The following NEDD9 variants were observed in gnomAD, a reference collection of about 807,000 sequenced individuals.
NEDD9 encodes the protein neural precursor cell expressed, developmentally down-regulated 9.
In NEDD9, 26 loss-of-function variants were observed where a neutral mutation model predicts 76.6. The observed-to-expected ratio is 0.34, with a 90% confidence interval of 0.25 to 0.47. The LOEUF (loss-of-function observed/expected upper bound fraction) is 0.47. Ranked by LOEUF, NEDD9 falls within the 20% of genes least tolerant of loss-of-function variation. NEDD9 has a pLI of 1.00. For missense variants in NEDD9, 937 were observed against 1,058.5 expected (o/e 0.89, Z 1.59); for synonymous variants, 392 against 414.2 (o/e 0.95, Z 0.65).
At chr6:11,356,678 A>T (rs1762581241) in intron 1 of NEDD9, among the ~76,000 whole-genome samples, 1 of 152,114 alleles carries the variant, frequency 6.6e-6, no homozygotes, top group South Asian at 2.1e-4. Flanking sequence ...CCACAGGCTC[A>T]CTTGAGTGTC....
At chr6:11,240,106 A>G (rs1759684014) in intron 3 of NEDD9, among the ~76,000 whole-genome samples, 2 of 151,772 alleles carry the variant, frequency 1.3e-5, no homozygotes, top group African/African-American at 4.8e-5. Flanking sequence ...AGTGTCTTCT[A>G]AAAAAGCTCC....
intron 2 of NEDD9, chr6:11,201,193 G>T (rs1758443995): frequency 2.4e-6 from 2 of 847,786 alleles, no homozygotes; most frequent in African/African-American, 1.7e-5. Flanking sequence ...GCCTGGGATG[G>T]GGCAGAGCAG....
At chr6:11,362,976 T>C (rs573850226) in intron 1 of NEDD9, among the ~76,000 whole-genome samples, 1 of 152,212 alleles carries the variant, frequency 6.6e-6, no homozygotes, top group Non-Finnish European at 1.5e-5. Flanking sequence ...CATATGGCAA[T>C]CTGCATTGAT....
chr6:11,286,506 A>T (rs1196172052), intron 3 of NEDD9, among the ~76,000 whole-genome samples: 1 of 152,188 alleles, frequency 6.6e-6, no homozygotes, highest in Non-Finnish European at 1.5e-5. Context: ...TGCCATGCAC[A>T]CCCTTTTACA....
chr6:11,307,153 T>C (rs1350485936), intron 2 of NEDD9, among the ~76,000 whole-genome samples: 1 of 152,006 alleles, frequency 6.6e-6, no homozygotes, highest in African/African-American at 2.4e-5. Flanking sequence ...GTCTGGCACA[T>C]AATAGAAGCT....
chr6:11,309,372 C>A (rs193169665), intron 2 of NEDD9, among the ~76,000 whole-genome samples: 195 of 152,238 alleles, frequency 1.3e-3, no homozygotes, highest in Non-Finnish European at 1.2e-3. Flanking sequence ...CTACGTAGAT[C>A]TTTATCTGTT....
intron 3 of NEDD9, among the ~76,000 whole-genome samples, chr6:11,256,984 A>G (rs1009641301): frequency 7.9e-5 from 12 of 152,126 alleles, no homozygotes; most frequent in African/African-American, 2.7e-4. Context: ...TCAACCTCCA[A>G]TGCTCATGAA....
chr6:11,235,545 T>A (rs1340997952), upstream of NEDD9, among the ~76,000 whole-genome samples: 1 of 152,204 alleles, frequency 6.6e-6, no homozygotes, highest in Non-Finnish European at 1.5e-5. The surrounding 1 kb of genome is among the most constrained non-coding windows in gnomAD (Gnocchi z 4.1). Flanking sequence ...TTTGCAGTGA[T>A]AAATGCTATG....
intron 2 of NEDD9, among the ~76,000 whole-genome samples, chr6:11,201,715 AT>A: frequency 6.6e-6 from 1 of 152,094 alleles, no homozygotes; most frequent in South Asian, 2.1e-4. Context: ...ATATATATAT[AT>A]TTTGTCATTT....
intron 2 of NEDD9, among the ~76,000 whole-genome samples, chr6:11,210,820 A>G (rs74222359): frequency 0.23 from 34,582 of 150,536 alleles, 4,968 homozygotes; most frequent in South Asian, 0.44. Flanking sequence ...GAAGGGAGTG[A>G]AAAGAAAGGA....
At chr6:11,307,915 C>A (rs1761239174) in intron 2 of NEDD9, among the ~76,000 whole-genome samples, 1 of 152,022 alleles carries the variant, frequency 6.6e-6, no homozygotes, top group African/African-American at 2.4e-5. Flanking sequence ...TGTCCTCCAG[C>A]CATGAACTTT....
intron 2 of NEDD9, among the ~76,000 whole-genome samples, chr6:11,320,367 C>G (rs1045636927): frequency 1.3e-5 from 2 of 152,278 alleles, no homozygotes; most frequent in Admixed American, 1.3e-4. Flanking sequence ...TATACTCTCT[C>G]GCCTTTTTCT....
At chr6:11,199,102 G>C (rs757010744) in intron 2 of NEDD9, 1 of 152,214 alleles carries the variant, frequency 6.6e-6, no homozygotes, top group Non-Finnish European at 1.5e-5. Flanking sequence ...ACATGTGGGG[G>C]AGTGTTTTGG....
chr6:11,365,701 A>C (rs1457267519), intron 1 of NEDD9, among the ~76,000 whole-genome samples: 2 of 152,210 alleles, frequency 1.3e-5, no homozygotes, highest in African/African-American at 4.8e-5. Flanking sequence ...GAAAGAAAAT[A>C]AAATGGGGCC....
At chr6:11,359,799 T>G (rs577402621) in intron 1 of NEDD9, among the ~76,000 whole-genome samples, 3 of 152,254 alleles carry the variant, frequency 2.0e-5, no homozygotes, top group Non-Finnish European at 2.9e-5. Flanking sequence ...CATGAAGATG[T>G]TCTCCTGTTG....
rs1443694406 is a variant in NEDD9, at chr6:11,204,704, A to G, written c.459+8577T>C. Among the ~76,000 whole-genome samples the G allele has an allele frequency of 4.4e-5, 5 of 114,736 alleles. No homozygotes were observed. The South Asian group carries it at 1.6e-3, about 36-fold the overall frequency. 75.3% of individuals were successfully genotyped at this position (114,736 alleles called of 152,430 possible). A position where few individuals can be genotyped will look rare whatever the true frequency, so the allele number is the denominator to read the frequency against. On this transcript the variant is annotated intron_variant, in intron 2 of 6. Transcript: ENST00000379446. ...CACTGCACTCCAGCCTGGTCAACAG[A>G]GGGAGGGTCCGTCTCAAAAAAAAAA...
At chr6:11,249,642 G>A (rs1333596696) in intron 3 of NEDD9, among the ~76,000 whole-genome samples, 1 of 152,132 alleles carries the variant, frequency 6.6e-6, no homozygotes, top group Non-Finnish European at 1.5e-5. Context: ...GAGGAGAATG[G>A]GTATTAGAGG....
intron 1 of NEDD9, among the ~76,000 whole-genome samples, chr6:11,336,996 G>A (rs947369746): frequency 2.6e-5 from 4 of 152,114 alleles, no homozygotes; most frequent in East Asian, 1.9e-4. Context: ...TGAGGCAGGC[G>A]GATCATGAGG....
At chr6:11,345,691 C>CT (rs1181330226) in intron 1 of NEDD9, among the ~76,000 whole-genome samples, 1 of 152,178 alleles carries the variant, frequency 6.6e-6, no homozygotes, top group Non-Finnish European at 1.5e-5. Flanking sequence ...TAGGAATGAT[C>CT]TTTTCACCCT....
Sources: gnomAD v4.1 joint callset for allele counts (sites outside exome capture counted in the v4.1 genomes callset) on GRCh38, gnomAD v4.1.1 for gene constraint, Gnocchi (gnomAD v3.1) non-coding constraint, MANE v1.5 for transcripts, NCBI Gene and HGNC (gene_info 2026-07-23, HGNC 2026-07-21) for gene names.